The following FLYWCH1 variants were observed in gnomAD, a reference collection of about 807,000 sequenced individuals.
FLYWCH1 encodes FLYWCH-type zinc finger 1.
In FLYWCH1, 75 loss-of-function variants were observed where a neutral mutation model predicts 66.4. The ratio of observed to expected loss-of-function variants is 1.13; its 90% CI spans 0.94 to 1.37. The LOEUF (loss-of-function observed/expected upper bound fraction) is 1.37, where lower values mean the gene tolerates loss of function less well. Among genes scored for constraint, FLYWCH1 ranks in the 40% most tolerant of loss-of-function variants. FLYWCH1 has a pLI of 0.00. For synonymous variants in FLYWCH1, 595 were observed against 429.9 expected, an observed-to-expected ratio of 1.38 and a Z score of -4.75; for missense variants, 1,334 against 1,001.8, an observed-to-expected ratio of 1.33 and a Z score of -4.48.
chr16:2,940,177 C>T (rs898397174), intron 9 of FLYWCH1, 85 bp downstream of exon 9: 1 of 722,954 alleles, frequency 1.4e-6, no homozygotes, highest in Non-Finnish European at 2.5e-6. Flanking sequence ...GCTGTCTCAG[C>T]TTTTGTGGGT....
chr16:2,933,637 G>A (rs942622847), intron 5 of FLYWCH1, 55 bp downstream of exon 5: 3 of 1,560,910 alleles, frequency 1.9e-6, no homozygotes, highest in African/African-American at 2.7e-5. Context: ...TGCCTCCAGA[G>A]GTCCAGGGAG....
chr16:2,924,026 C>G (rs2070470006), intron 2 of FLYWCH1, among the ~76,000 whole-genome samples: 1 of 151,888 alleles, frequency 6.6e-6, no homozygotes, highest in Non-Finnish European at 1.5e-5. Context: ...ACAGAGAGAC[C>G]CTGTCTCAAA....
At chr16:2,941,965 C>A (rs1596397559) in intron 9 of FLYWCH1, among the ~76,000 whole-genome samples, 3 of 126,998 alleles carry the variant, frequency 2.4e-5, no homozygotes, top group Non-Finnish European at 3.1e-5. Context: ...CCACTGCACT[C>A]CAGCCTGGGC....
At chr16:2,942,286 T>C (rs961397141) in intron 9 of FLYWCH1, among the ~76,000 whole-genome samples, 4 of 151,936 alleles carry the variant, frequency 2.6e-5, no homozygotes, top group African/African-American at 9.7e-5. Flanking sequence ...TAGCTGGGAC[T>C]ACATGCACGC....
Position 2,929,658 on chromosome 16 carries a change from G to A in FLYWCH1, c.-28G>A, listed in dbSNP as rs368266244. The A allele has an allele frequency of 1.4e-4, 219 of 1,596,286 alleles. No individual in the cohort carries two copies. The Middle Eastern group carries it at 2.9e-3, about 21-fold the overall frequency. On this transcript the variant is annotated 5_prime_UTR_variant, in exon 3 of 10. Transcript: ENST00000253928. Reference sequence around the variant, plus strand: ...GGTTCCTTGCTGGGTGCTGAGCGTGGCCTGAGGGACAGGCCCTGGGTCCCG... The same window carrying A: ...GGTTCCTTGCTGGGTGCTGAGCGTGACCTGAGGGACAGGCCCTGGGTCCCG...
rs1262908483 is a variant in FLYWCH1 at position 2,934,065 on chromosome 16, C to T, written c.1513+86C>T. On this transcript the variant is annotated intron_variant, in intron 6 of 9. Coordinates refer to ENST00000253928, the MANE Select transcript of FLYWCH1 (RefSeq NM_001308068.2). ...TTCCCTCTCCATGCTGCGGCTCCCC[C>T]TGGCAAACGTCCTCTTCCCTTCTTT... is the stretch of plus-strand genomic sequence containing the variant. 5.7e-6 allele frequency: 8 copies of T among 1,392,776 alleles called. No homozygotes were observed. In the South Asian group the frequency reaches 1.0e-4, roughly 18 times the overall value. 86.3% of individuals were successfully genotyped at this position (1,392,776 alleles called of 1,614,324 possible).
intron 9 of FLYWCH1, among the ~76,000 whole-genome samples, chr16:2,946,097 AAAG>A (rs2071476201): frequency 6.6e-6 from 1 of 152,166 alleles, no homozygotes; most frequent in African/African-American, 2.4e-5. Context: ...GTAATTAAAA[AAAG>A]CAAAAAGTTT....
chr16:2,946,196 A>G (rs2151026985), intron 9 of FLYWCH1, among the ~76,000 whole-genome samples: 1 of 152,000 alleles, frequency 6.6e-6, no homozygotes, highest in Admixed American at 6.6e-5. Context: ...TGAGTGTTGT[A>G]TACTAAGTGT....
rs368822385 is a variant in FLYWCH1 at position 2,929,733 on chromosome 16, C to T, written c.48C>T (p.Ala16=). 3.7e-5 allele frequency: 59 copies of T among 1,613,546 alleles called. No individual in the cohort carries two copies. Among genetic ancestry groups the T allele is most frequent in the African/African-American group, 1.7e-4 (13 of 75,022 alleles). Residue 16 remains alanine (A), a synonymous_variant, in exon 3 of 10, where the codon GCC becomes GCT. Coordinates refer to ENST00000253928, the MANE Select transcript of FLYWCH1 (RefSeq NM_001308068.2). ...AGCAGGAGGGCGAGAGTGTGAAGGC[C>T]GGCCAGGAGCCATCCCCCAAGCCAG... is the stretch of plus-strand genomic sequence containing the variant. The part of the protein sequence containing the change: ...PSEQEGESVK[A]GQEPSPKPGT...
rs1205188733 is a variant in FLYWCH1 at position 2,933,232 on chromosome 16, T to C, written c.899T>C (p.Val300Ala). 6.2e-7 allele frequency: 1 copy of C among 1,612,330 alleles called. No homozygotes were observed. Among genetic ancestry groups the C allele is most frequent in the South Asian group, 1.1e-5 (1 of 91,008 alleles). The change falls in exon 5 of 10, where the codon GTG becomes GCG. Residue 300 changes from valine to alanine, a missense_variant. Coordinates refer to ENST00000253928, the MANE Select transcript of FLYWCH1 (RefSeq NM_001308068.2). The stretch of plus-strand genomic sequence containing the variant: ...CGGGAGAAGGCTGTCGGGGACAAGG[T>C]GTATTGGACCTGCCGGGACCACGCG... Reference protein sequence around the residue: ...YKREKAVGDKVYWTCRDHALH... With the variant: ...YKREKAVGDKAYWTCRDHALH...
chr16:2,919,820 G>T (rs8048084), intron 2 of FLYWCH1, among the ~76,000 whole-genome samples: 7,268 of 152,228 alleles, frequency 0.048, 583 homozygotes, highest in African/African-American at 0.17. Context: ...AAGGCAATAG[G>T]AACATTTCAG....
At chr16:2,942,844 A>G (rs537976772) in intron 9 of FLYWCH1, among the ~76,000 whole-genome samples, 1 of 150,370 alleles carries the variant, frequency 6.7e-6, no homozygotes, top group East Asian at 2.0e-4. Flanking sequence ...TGGGATTAGA[A>G]GTGCGCACCA....
chr16:2,928,464 G>A (rs558184385), intron 2 of FLYWCH1, among the ~76,000 whole-genome samples: 15 of 152,304 alleles, frequency 9.8e-5, no homozygotes, highest in African/African-American at 3.4e-4. Flanking sequence ...GGTTAATGGA[G>A]AATGGCAGTG....
intron 6 of FLYWCH1, 31 bp from the exon 7 acceptor site, chr16:2,937,090 C>G (rs771863072): frequency 2.5e-6 from 4 of 1,572,488 alleles, no homozygotes; most frequent in Admixed American, 3.6e-5. Context: ...GAGCTGGTGT[C>G]CGCTGCTCCT....
At chr16:2,915,700 G>A (rs1447582425) in intron 2 of FLYWCH1, among the ~76,000 whole-genome samples, 1 of 151,494 alleles carries the variant, frequency 6.6e-6, no homozygotes, top group Non-Finnish European at 1.5e-5. Flanking sequence ...GGGAGGCAGA[G>A]GCACCAGAAT....
intron 9 of FLYWCH1, among the ~76,000 whole-genome samples, chr16:2,945,861 G>A (rs192742722): frequency 6.6e-6 from 1 of 152,070 alleles, no homozygotes; most frequent in Non-Finnish European, 1.5e-5. Context: ...GCCGAGCGTG[G>A]TGGCAGGTGC....
intron 2 of FLYWCH1, among the ~76,000 whole-genome samples, chr16:2,927,039 T>C (rs1312159028): frequency 2.0e-5 from 3 of 152,216 alleles, no homozygotes; most frequent in Admixed American, 2.0e-4. Context: ...AGCTTATCAA[T>C]ACTGGCTGCC....
chr16:2,945,981 A>G (rs887944009), intron 9 of FLYWCH1, among the ~76,000 whole-genome samples: 5 of 152,124 alleles, frequency 3.3e-5, no homozygotes, highest in African/African-American at 4.8e-5. Flanking sequence ...TGGGCAACAG[A>G]GCGAGACTCC....
rs766511590 is a variant in FLYWCH1 at position 2,948,753 on chromosome 16, G to A, written c.*26G>A. On this transcript the variant is annotated 3_prime_UTR_variant, in exon 10 of 10. Transcript: ENST00000253928. ...GGCGATGTGGGCAGAGGAGCTCCGA[G>A]CCGCCCACCCAAGGTGGCTTCACAT... 6 of 1,613,220 alleles carry A rather than the reference G, an allele frequency of 3.7e-6. No homozygotes were observed. The African/African-American group carries it at 8.0e-5, about 22-fold the overall frequency.
Sources: allele counts gnomAD v4.1 joint callset (sites outside exome capture counted in the v4.1 genomes callset), GRCh38; gene constraint gnomAD v4.1.1; transcripts MANE v1.5; gene names NCBI Gene and HGNC (gene_info 2026-07-23, HGNC 2026-07-21).